PRKAG2: variants seen among roughly 807,000 people sequenced by gnomAD.
The protein encoded by PRKAG2 is protein kinase AMP-activated non-catalytic subunit gamma 2.
A neutral mutation model predicts 69.6 loss-of-function variants in PRKAG2; 26 were observed. The ratio of observed to expected loss-of-function variants is 0.37; its 90% CI spans 0.27 to 0.52. The LOEUF (loss-of-function observed/expected upper bound fraction) is 0.52. Ranked by LOEUF, PRKAG2 falls within the 20% of genes least tolerant of loss-of-function variation. PRKAG2 has a pLI of 0.90. For synonymous variants in PRKAG2, 293 were observed against 285.0 expected, an observed-to-expected ratio of 1.03 and a Z score of -0.28; for missense variants, 557 against 740.0, an observed-to-expected ratio of 0.75 and a Z score of 2.87.
At chr7:151,563,073 G>A (rs747476349) in intron 14 of PRKAG2, among the ~76,000 whole-genome samples, 3 of 152,056 alleles carry the variant, frequency 2.0e-5, no homozygotes, top group African/African-American at 4.8e-5. Flanking sequence ...GACTCCCCAC[G>A]TATTTTCTTG....
Position 151,858,323 on chromosome 7 carries a change from T to C in PRKAG2, c.114+18184A>G, listed in dbSNP as rs149015917. 6.5e-3 allele frequency among the ~76,000 whole-genome samples: 986 copies of C among 152,044 alleles called. 12 individuals carry two copies. Among genetic ancestry groups the C allele is most frequent in the South Asian group, 0.034 (164 of 4,788 alleles). On this transcript the variant is annotated intron_variant, in intron 1 of 15. Coordinates refer to ENST00000287878, the MANE Select transcript of PRKAG2 (RefSeq NM_016203.4). ...GCCACAGCTGTCCCCAGCTGGCCCA[T>C]TGAAGAGCCCAATCTGTACCACTTG...
At chr7:151,698,867 G>C (rs1397570701) in intron 3 of PRKAG2, among the ~76,000 whole-genome samples, 1 of 152,188 alleles carries the variant, frequency 6.6e-6, no homozygotes, top group Non-Finnish European at 1.5e-5. Context: ...ACCAGCGTCA[G>C]CCCCTTGCAG....
chr7:151,709,964 C>T (rs1468521733), intron 3 of PRKAG2, among the ~76,000 whole-genome samples: 2 of 152,168 alleles, frequency 1.3e-5, no homozygotes, highest in Admixed American at 1.3e-4. Context: ...GACTCAATGG[C>T]CACTTCGCCT....
At chr7:151,605,425 TA>T (rs889138752) in intron 5 of PRKAG2, among the ~76,000 whole-genome samples, 1 of 152,022 alleles carries the variant, frequency 6.6e-6, no homozygotes, top group African/African-American at 2.4e-5. Flanking sequence ...AAAATTTCTT[TA>T]AAAAATTTTT....
intron 3 of PRKAG2, among the ~76,000 whole-genome samples, chr7:151,723,756 G>C (rs1797492326): frequency 1.3e-5 from 2 of 152,320 alleles, no homozygotes; most frequent in Admixed American, 1.3e-4. Flanking sequence ...GTGAGTGGCA[G>C]GTGAGTTGGT....
At chr7:151,761,998 T>C (rs1054545260) in intron 3 of PRKAG2, among the ~76,000 whole-genome samples, 1 of 152,246 alleles carries the variant, frequency 6.6e-6, no homozygotes, top group South Asian at 2.1e-4. Flanking sequence ...GGGAAGGGGA[T>C]ACTTCTGACT....
chr7:151,571,467 C>T (rs1807554075), intron 9 of PRKAG2, among the ~76,000 whole-genome samples: 1 of 152,160 alleles, frequency 6.6e-6, no homozygotes, highest in African/African-American at 2.4e-5. Flanking sequence ...CTTTGGCCTC[C>T]CAAAGTGCTG....
chr7:151,675,557 C>G lies in PRKAG2; in HGVS notation c.547G>C (p.Glu183Gln), dbSNP rs1131692281. 6.2e-7 allele frequency: 1 copy of G among 1,614,104 alleles called. No individual in the cohort carries two copies. Among genetic ancestry groups the G allele is most frequent in the Non-Finnish European group, 8.5e-7 (1 of 1,179,928 alleles). The change falls in exon 4 of 16, where the codon GAG (glutamate) becomes CAG (glutamine). Residue 183 changes from glutamate to glutamine, a missense_variant. Glu to Gln is a conservative substitution (Grantham distance 29). Around this residue, in one of 2 missense-constraint regions of PRKAG2, gnomAD observed 352 missense variants for 356.7 expected, o/e 0.99. Coordinates refer to ENST00000287878, the MANE Select transcript of PRKAG2 (RefSeq NM_016203.4). Reference protein sequence around the residue: ...HTFPLESYKHEPERLENRIYA... With the variant: ...HTFPLESYKHQPERLENRIYA... The stretch of plus-strand genomic sequence containing the variant: ...ATGCGATTCTCTAACCGTTCAGGCT[C>G]GTGCTTATAGGATTCCAGGGGAAAC...
intron 3 of PRKAG2, among the ~76,000 whole-genome samples, chr7:151,744,183 G>A (rs1034184500): frequency 3.3e-5 from 5 of 152,006 alleles, no homozygotes; most frequent in South Asian, 4.2e-4. Context: ...CCCAGACTCC[G>A]GTGACCCAAA....
intron 5 of PRKAG2, among the ~76,000 whole-genome samples, chr7:151,626,539 G>A (rs1332281713): frequency 1.3e-5 from 2 of 152,132 alleles, no homozygotes; most frequent in Non-Finnish European, 2.9e-5. Context: ...ATAATCACCC[G>A]AGCCTTCTCG....
At position 151,865,913 on chromosome 7, in the gene PRKAG2, G is replaced by A. The variant is rs370167855; in HGVS notation, c.114+10594C>T. Among the ~76,000 whole-genome samples, 102 of 152,032 alleles carry A rather than the reference G, an allele frequency of 6.7e-4. 1 individual carries two copies. The highest frequency in any genetic ancestry group is 1.8e-3 in the African/African-American group (75 of 41,480). On this transcript the variant is annotated intron_variant, in intron 1 of 15. Transcript: ENST00000287878. ...CGGGCGCCCGTAGACCCAGCTACTC[G>A]GGAGGCTGAGGCAGGAGAATGGTGT... is the stretch of plus-strand genomic sequence containing the variant.
chr7:151,787,202 G>T (rs1389126641), intron 1 of PRKAG2, among the ~76,000 whole-genome samples: 1 of 152,156 alleles, frequency 6.6e-6, no homozygotes, highest in East Asian at 1.9e-4. Flanking sequence ...AAAGTTTTTA[G>T]TTGTGGTAAA....
At chr7:151,829,546 G>A (rs7800517) in intron 1 of PRKAG2, among the ~76,000 whole-genome samples, 37,695 of 151,702 alleles carry the variant, frequency 0.25, 5,363 homozygotes, top group Non-Finnish European at 0.29. Context: ...AAATAAAAAC[G>A]TATTTCCATA....
Position 151,807,753 on chromosome 7 carries a change from G to A in PRKAG2, c.115-21212C>T. On this transcript the variant is annotated intron_variant, in intron 1 of 15. Coordinates refer to ENST00000287878, the MANE Select transcript of PRKAG2 (RefSeq NM_016203.4). This position sits in a 1 kb window ranked among gnomAD's most constrained non-coding sequence, Gnocchi z 4.4. Reference sequence around the variant, plus strand: ...GAGGAAGCCAGGAGCGAGAACTCGTGCATCCGAACCCTTCTCTGACTTGGC... The same window carrying A: ...GAGGAAGCCAGGAGCGAGAACTCGTACATCCGAACCCTTCTCTGACTTGGC... 2 of 379,782 alleles carry A rather than the reference G, an allele frequency of 5.3e-6. No individual in the cohort carries two copies. The highest frequency in any genetic ancestry group is 1.9e-5 in the South Asian group (1 of 51,476). 23.5% of individuals were successfully genotyped at this position (379,782 alleles called of 1,614,324 possible). A position where few individuals can be genotyped will look rare whatever the true frequency, so the allele number is the denominator to read the frequency against.
intron 4 of PRKAG2, among the ~76,000 whole-genome samples, chr7:151,663,970 T>C (rs908826637): frequency 6.6e-6 from 1 of 152,232 alleles, no homozygotes; most frequent in African/African-American, 2.4e-5. Flanking sequence ...CAACTCACTC[T>C]GCTGTTGCAG....
At position 151,876,642 on chromosome 7, in the gene PRKAG2, C is replaced by G. The variant is rs1173270496; in HGVS notation, c.-22G>C. On this transcript the variant is annotated 5_prime_UTR_variant, in exon 1 of 16. Transcript: ENST00000287878. ...CCATAACTCTAACCAGAAGTTGATT[C>G]TGCGAAACTCCTCGGGGGTTCGGTC... The G allele has an allele frequency of 3.1e-6, 5 of 1,601,322 alleles. No homozygotes were observed. Among genetic ancestry groups the G allele is most frequent in the Non-Finnish European group, 4.3e-6 (5 of 1,175,590 alleles).
chr7:151,800,341 G>T (rs1197951231), intron 1 of PRKAG2, among the ~76,000 whole-genome samples: 1 of 147,330 alleles, frequency 6.8e-6, no homozygotes, highest in Non-Finnish European at 1.5e-5. Flanking sequence ...CTGGGCGACA[G>T]AGCGAGACTC....
chr7:151,795,412 G>A (rs921769927), intron 1 of PRKAG2, among the ~76,000 whole-genome samples: 6 of 152,050 alleles, frequency 3.9e-5, no homozygotes, highest in African/African-American at 1.4e-4. Flanking sequence ...GAGTAGCTGC[G>A]GTCTTCACAG....
chr7:151,644,810 T>A (rs1477740294), intron 4 of PRKAG2, among the ~76,000 whole-genome samples: 1 of 152,138 alleles, frequency 6.6e-6, no homozygotes, highest in Non-Finnish European at 1.5e-5. Context: ...TGGTTGAGAG[T>A]TCCAGTTGCT....
Sources: allele counts gnomAD v4.1 joint callset (sites outside exome capture counted in the v4.1 genomes callset), GRCh38; gene constraint gnomAD v4.1.1; regional missense constraint gnomAD v4.1.1; non-coding constraint Gnocchi (gnomAD v3.1); transcripts MANE v1.5; gene names NCBI Gene and HGNC (gene_info 2026-07-23, HGNC 2026-07-21).